The following ZHX2 variants were observed in gnomAD, a reference collection of about 807,000 sequenced individuals.
The protein encoded by ZHX2 is zinc fingers and homeoboxes protein 2.
ZHX2 carries 6 observed loss-of-function variants against 21.9 expected under a neutral mutation model. The ratio of observed to expected loss-of-function variants is 0.27; its 90% confidence interval spans 0.15 to 0.54. The LOEUF (loss-of-function observed/expected upper bound fraction) is 0.54, where lower values mean the gene tolerates loss of function less well. Among genes scored for constraint, ZHX2 ranks in the 20% least tolerant of loss-of-function variants. The pLI is 0.95. For synonymous variants in ZHX2, 434 were observed against 437.1 expected, an observed-to-expected ratio of 0.99 and a Z score of 0.09; for missense variants, 908 against 1,090.7, an observed-to-expected ratio of 0.83 and a Z score of 2.36.
intron 2 of ZHX2, among the ~76,000 whole-genome samples, chr8:122,899,299 G>T (rs28509786): frequency 0.024 from 3,574 of 152,044 alleles, 91 homozygotes; most frequent in African/African-American, 0.067. Context: ...ACAGCACTGG[G>T]AACATTTCCT....
intron 2 of ZHX2, among the ~76,000 whole-genome samples, chr8:122,947,917 T>C (rs1813017989): frequency 6.6e-6 from 1 of 151,988 alleles, no homozygotes; most frequent in Admixed American, 6.6e-5. Context: ...AGATCAAGAC[T>C]CTGAAGATCA....
At chr8:122,809,646 C>T (rs960931855) in intron 1 of ZHX2, among the ~76,000 whole-genome samples, 4 of 152,172 alleles carry the variant, frequency 2.6e-5, no homozygotes, top group Non-Finnish European at 4.4e-5. Context: ...AACAAGCAAC[C>T]GAGAAACCAA....
intron 2 of ZHX2, among the ~76,000 whole-genome samples, chr8:122,865,977 T>G (rs1230753635): frequency 6.6e-6 from 1 of 152,098 alleles, no homozygotes; most frequent in Non-Finnish European, 1.5e-5. Context: ...CTCCCTCTGG[T>G]CCCTCCTGGT....
intron 2 of ZHX2, 55 bp from the exon 3 acceptor site, chr8:122,951,237 C>T: frequency 2.6e-6 from 1 of 390,574 alleles, no homozygotes; most frequent in South Asian, 4.0e-5. Flanking sequence ...AAAGAAGTGC[C>T]AGTTTCTTTT....
At chr8:122,783,279 G>A (rs1055225002) in intron 1 of ZHX2, among the ~76,000 whole-genome samples, 1 of 152,156 alleles carries the variant, frequency 6.6e-6, no homozygotes, top group East Asian at 1.9e-4. Context: ...CCCTTTTAAA[G>A]AGTGGTTGCT....
intron 1 of ZHX2, among the ~76,000 whole-genome samples, chr8:122,830,109 C>T (rs1016676995): frequency 6.6e-6 from 1 of 152,146 alleles, no homozygotes; most frequent in African/African-American, 2.4e-5. Context: ...CAACAGGAGG[C>T]GGTGTGGAGC....
At chr8:122,880,666 T>C (rs1369504818) in intron 2 of ZHX2, among the ~76,000 whole-genome samples, 1 of 151,402 alleles carries the variant, frequency 6.6e-6, no homozygotes, top group Admixed American at 6.6e-5. Context: ...TCCCAGCTAT[T>C]CAGGAGGCAG....
At position 122,828,897 on chromosome 8, in the gene ZHX2, T is replaced by C. The variant is rs1029193291; in HGVS notation, c.-282-34580T>C. ...AGAGTACCCAGGAGATGGCAGATAA[T>C]AATTCATTTATTTATCCACTACAAA... On this transcript the variant is annotated intron_variant, in intron 1 of 3. Transcript: ENST00000314393. This position sits in a 1 kb window ranked among gnomAD's most constrained non-coding sequence, Gnocchi z 5.2. Among the ~76,000 whole-genome samples the C allele has an allele frequency of 2.6e-5, 4 of 151,966 alleles. No homozygotes were observed. Among genetic ancestry groups the C allele is most frequent in the Non-Finnish European group, 5.9e-5 (4 of 68,036 alleles).
intron 2 of ZHX2, among the ~76,000 whole-genome samples, chr8:122,910,655 G>A (rs1563778086): frequency 6.6e-6 from 1 of 152,102 alleles, no homozygotes; most frequent in Non-Finnish European, 1.5e-5. Flanking sequence ...CGGGGTTACT[G>A]GTGGGGCAGT....
rs1040124120 is a variant in ZHX2, at chr8:122,953,350, C to T, written c.1840C>T (p.Leu614Phe). 2 of 1,613,976 alleles carry T rather than the reference C, an allele frequency of 1.2e-6. No homozygotes were observed. The highest frequency in any genetic ancestry group is 2.2e-5 in the East Asian group (1 of 44,852). The change falls in exon 3 of 4, where the codon CTC (leucine) becomes TTC (phenylalanine). Residue 614 changes from leucine to phenylalanine, a missense_variant. This residue lies in a region of ZHX2 where 431 missense variants were observed against 428.6 expected (regional missense o/e 1.01). Transcript: ENST00000314393. The surrounding 1 kb of genome is among the most constrained non-coding windows in gnomAD (Gnocchi z 4.6). Reference sequence around the variant, plus strand: ...AGCCCCCAATGGTGCTCTGTCTCGACTCGACCAGCTCTCCGGTGCCCAGTT... The same window carrying T: ...AGCCCCCAATGGTGCTCTGTCTCGATTCGACCAGCTCTCCGGTGCCCAGTT... Reference protein sequence around the residue: ...VGAPNGALSRLDQLSGAQLTS... With the variant: ...VGAPNGALSRFDQLSGAQLTS...
At chr8:122,829,030 TTGAAGTTA>T (rs1183267058) in intron 1 of ZHX2, among the ~76,000 whole-genome samples, 3 of 152,202 alleles carry the variant, frequency 2.0e-5, no homozygotes, top group Non-Finnish European at 4.4e-5. Context: ...ATAGAACAAT[TTGAAGTTA>T]GGTTATGAAG....
At chr8:122,931,030 T>C (rs1432362970) in intron 2 of ZHX2, among the ~76,000 whole-genome samples, 1 of 152,114 alleles carries the variant, frequency 6.6e-6, no homozygotes, top group Non-Finnish European at 1.5e-5. Context: ...CGTCTTCCAC[T>C]AGGCTGTCAA....
chr8:122,951,099 ACCT>A (rs1249355029), intron 2 of ZHX2, among the ~76,000 whole-genome samples, 190 bp from the exon 3 acceptor site: 2 of 151,618 alleles, frequency 1.3e-5, no homozygotes, highest in Non-Finnish European at 2.9e-5. Context: ...GCCTGTTTTC[ACCT>A]CCTTCCAAAA....
intron 2 of ZHX2, among the ~76,000 whole-genome samples, chr8:122,885,696 G>A (rs1819823977): frequency 6.6e-6 from 1 of 152,158 alleles, no homozygotes; most frequent in African/African-American, 2.4e-5. Flanking sequence ...ATTTTAGCAT[G>A]CACTAAGCCT....
chr8:122,780,926 A>T (rs1390836254), upstream of ZHX2: 1 of 152,238 alleles, frequency 6.6e-6, no homozygotes, highest in Non-Finnish European at 1.5e-5. Flanking sequence ...AACCAGCCTC[A>T]GACCTGGCGC....
At chr8:122,951,265 T>C in intron 2 of ZHX2, 27 bp from the exon 3 acceptor site, 1 of 498,316 alleles carries the variant, frequency 2.0e-6, no homozygotes, top group Non-Finnish European at 3.6e-6. Context: ...GAAGAGACAC[T>C]GACCCTGTCT....
At chr8:122,940,102 G>A (rs745431693) in intron 2 of ZHX2, among the ~76,000 whole-genome samples, 1 of 152,200 alleles carries the variant, frequency 6.6e-6, no homozygotes, top group Non-Finnish European at 1.5e-5. Flanking sequence ...GCTTGCATGT[G>A]GGTTTGGGGG....
At chr8:122,799,397 A>G (rs1319429503) in intron 1 of ZHX2, among the ~76,000 whole-genome samples, 3 of 148,954 alleles carry the variant, frequency 2.0e-5, no homozygotes, top group African/African-American at 7.5e-5. Flanking sequence ...GTGCGCCACA[A>G]TTTTTTTTTT....
chr8:122,788,548 G>A (rs1197100308), intron 1 of ZHX2, among the ~76,000 whole-genome samples: 3 of 152,136 alleles, frequency 2.0e-5, no homozygotes, highest in African/African-American at 7.2e-5. Context: ...GCCTGAGTGA[G>A]AGAGCAAGAC....
Sources: allele counts gnomAD v4.1 joint callset (sites outside exome capture counted in the v4.1 genomes callset), GRCh38; gene constraint gnomAD v4.1.1; regional missense constraint gnomAD v4.1.1; non-coding constraint Gnocchi (gnomAD v3.1); transcripts MANE v1.5; gene names NCBI Gene and HGNC (gene_info 2026-07-23, HGNC 2026-07-21).